Variants in PBK observed in about 807,000 individuals in gnomAD.
PBK encodes lymphokine-activated killer T-cell-originated protein kinase.
Under a neutral mutation model 33.5 loss-of-function variants are expected in PBK, and 22 were observed. The ratio of observed to expected loss-of-function variants is 0.66; its 90% CI spans 0.47 to 0.94. PBK has a LOEUF of 0.94. Ranked by LOEUF, PBK falls within the 40% of genes least tolerant of loss-of-function variation. The pLI is 0.00. For synonymous variants in PBK, 129 were observed against 123.8 expected (o/e 1.04, Z -0.28); for missense variants, 376 against 383.4 (o/e 0.98, Z 0.16).
chr8:27,811,956 TAATCACTAACTTCA>T (rs1805694347), intron 6 of PBK: 1 of 152,220 alleles, frequency 6.6e-6, no homozygotes, highest in African/African-American at 2.4e-5. Flanking sequence ...CACAGAAATG[TAATCACTAACTTCA>T]CTATAGCTGT....
chr8:27,812,920 C>T (rs1411750722), intron 6 of PBK, among the ~76,000 whole-genome samples: 1 of 152,174 alleles, frequency 6.6e-6, no homozygotes, highest in African/African-American at 2.4e-5. Context: ...GGCAATCCCT[C>T]AAGGATCTAG....
At chr8:27,829,582 T>C (rs748767536) in intron 2 of PBK, among the ~76,000 whole-genome samples, 65 of 152,226 alleles carry the variant, frequency 4.3e-4, no homozygotes, top group Non-Finnish European at 8.4e-4. Flanking sequence ...AATAAATCAA[T>C]AGAGGCCTAG....
chr8:27,837,151 T>A (rs1429682572), intron 1 of PBK, among the ~76,000 whole-genome samples: 1 of 151,774 alleles, frequency 6.6e-6, no homozygotes, highest in Non-Finnish European at 1.5e-5. Flanking sequence ...CTCTGTGGAA[T>A]ACGTAAGATA....
At chr8:27,829,563 T>C (rs1806088494) in intron 2 of PBK, among the ~76,000 whole-genome samples, 1 of 151,980 alleles carries the variant, frequency 6.6e-6, no homozygotes, top group African/African-American at 2.4e-5. Flanking sequence ...ATGACCAATA[T>C]AGGAGAAAAA....
chr8:27,824,544 A>C (rs1239325443), intron 3 of PBK, among the ~76,000 whole-genome samples: 1 of 152,186 alleles, frequency 6.6e-6, no homozygotes, highest in Non-Finnish European at 1.5e-5. Flanking sequence ...TTAAGACAAA[A>C]TGGTCAAAGA....
chr8:27,831,767 G>A lies in PBK; in HGVS notation c.58+1289C>T, dbSNP rs1217289652. ...TCACACCAGTACATTTGAAAATTTAGAAGTGATGGACAAATTCCTTAAAAA... is the reference window on the plus strand; with the variant it reads ...TCACACCAGTACATTTGAAAATTTAAAAGTGATGGACAAATTCCTTAAAAA... On this transcript the variant is annotated intron_variant, in intron 2 of 7. Transcript: ENST00000301905. Among the ~76,000 whole-genome samples the A allele has an allele frequency of 3.9e-5, 6 of 152,140 alleles. No individual in the cohort carries two copies. In the East Asian group the frequency reaches 9.6e-4, roughly 24 times the overall value.
intron 6 of PBK, among the ~76,000 whole-genome samples, chr8:27,817,083 G>A (rs1158878311): frequency 6.6e-6 from 1 of 152,048 alleles, no homozygotes; most frequent in African/African-American, 2.4e-5. Context: ...GCATATGCCT[G>A]GTGTAGTAGC....
At chr8:27,823,730 A>G (rs1336838647) in intron 3 of PBK, among the ~76,000 whole-genome samples, 9 of 152,080 alleles carry the variant, frequency 5.9e-5, no homozygotes, top group Admixed American at 5.9e-4. Flanking sequence ...TATGTGCTTA[A>G]GGAGATAATG....
intron 1 of PBK, among the ~76,000 whole-genome samples, chr8:27,834,256 G>A (rs768448868): frequency 1.3e-5 from 2 of 152,054 alleles, no homozygotes; most frequent in Non-Finnish European, 2.9e-5. Context: ...ACGAACTCCC[G>A]ACCTTGTGAT....
intron 7 of PBK, 68 bp downstream of exon 7, chr8:27,810,890 G>A (rs1805664587): frequency 7.5e-6 from 8 of 1,059,840 alleles, no homozygotes; most frequent in Non-Finnish European, 1.1e-5. Flanking sequence ...ATCTTAGAAA[G>A]ATAAAATTAT....
intron 6 of PBK, among the ~76,000 whole-genome samples, chr8:27,814,907 A>G (rs1805781334): frequency 6.6e-6 from 1 of 152,194 alleles, no homozygotes; most frequent in South Asian, 2.1e-4. Context: ...CTTCTGCTAT[A>G]ACTAGGATAA....
intron 5 of PBK, among the ~76,000 whole-genome samples, chr8:27,822,042 G>C (rs1733655433): frequency 6.6e-6 from 1 of 152,126 alleles, no homozygotes; most frequent in South Asian, 2.1e-4. Context: ...TGTGTAGTTG[G>C]CTCTACCATC....
At chr8:27,829,072 C>A (rs529965294) in intron 2 of PBK, among the ~76,000 whole-genome samples, 12 of 145,340 alleles carry the variant, frequency 8.3e-5, no homozygotes, top group African/African-American at 3.1e-4. Context: ...TCAAGAAGGA[C>A]TAGGCGGCTA....
chr8:27,834,093 T>C (rs1022085425), intron 1 of PBK, among the ~76,000 whole-genome samples: 8 of 151,450 alleles, frequency 5.3e-5, no homozygotes, highest in African/African-American at 1.9e-4. Context: ...AGTGGCATGA[T>C]CTCGACTCAC....
At chr8:27,830,158 G>A (rs556056008) in intron 2 of PBK, among the ~76,000 whole-genome samples, 5 of 146,414 alleles carry the variant, frequency 3.4e-5, no homozygotes, top group African/African-American at 1.0e-4. Context: ...AGCTGAGATC[G>A]CACCATTGCA....
Position 27,810,117 on chromosome 8 carries a change from G to A in PBK, c.*188C>T, listed in dbSNP as rs1007341762. 5.4e-6 allele frequency: 3 copies of A among 560,518 alleles called. No homozygotes were observed. The highest frequency in any genetic ancestry group is 1.9e-5 in the African/African-American group (1 of 52,010). The allele number at this position is 560,518 out of a possible 1,614,324, so 34.7% of individuals were successfully genotyped here. A position where few individuals can be genotyped will look rare whatever the true frequency, so the allele number is the denominator to read the frequency against. ...TTTCTAAAACTTTACAGAAAACCCA[G>A]TACAATTCCAAGTGCTTATAGCCAA... On this transcript the variant is annotated 3_prime_UTR_variant, in exon 8 of 8. Coordinates refer to ENST00000301905, the MANE Select transcript of PBK (RefSeq NM_018492.4).
At chr8:27,812,425 C>T (rs1805706597) in intron 6 of PBK, 1 of 152,112 alleles carries the variant, frequency 6.6e-6, no homozygotes, top group Non-Finnish European at 1.5e-5. Context: ...GCAACGACTT[C>T]ATGATTAAAA....
intron 6 of PBK, 162 bp from the exon 7 acceptor site, chr8:27,811,296 A>G (rs1390945692): frequency 6.3e-6 from 4 of 636,926 alleles, no homozygotes; most frequent in East Asian, 2.7e-5. Flanking sequence ...ATTACTTTCT[A>G]CCTTTCAGGT....
chr8:27,813,957 TTA>T (rs1432900223), intron 6 of PBK, among the ~76,000 whole-genome samples: 3 of 152,216 alleles, frequency 2.0e-5, no homozygotes, highest in Non-Finnish European at 2.9e-5. Flanking sequence ...GTGTACATGT[TTA>T]TGTGTTAATG....
Sources: gnomAD v4.1 joint callset for allele counts (sites outside exome capture counted in the v4.1 genomes callset) on GRCh38, gnomAD v4.1.1 for gene constraint, MANE v1.5 for transcripts, NCBI Gene and HGNC (gene_info 2026-07-23, HGNC 2026-07-21) for gene names.